The following OBI1 variants were observed in gnomAD, a reference collection of about 807,000 sequenced individuals.
OBI1 encodes the protein ORC ubiquitin ligase 1, also known as ring finger protein 219.
A neutral mutation model predicts 62.4 loss-of-function variants in OBI1; 59 were observed. That is an observed-to-expected ratio of 0.95 (90% CI 0.77 to 1.17). The LOEUF (loss-of-function observed/expected upper bound fraction) is 1.17, where lower values mean the gene tolerates loss of function less well. Ranked by LOEUF, OBI1 falls within the 50% of genes most tolerant of loss-of-function variation. The pLI is 0.00. For missense variants in OBI1, 875 were observed against 830.9 expected, an observed-to-expected ratio of 1.05 and a Z score of -0.65; for synonymous variants, 302 against 292.8, an observed-to-expected ratio of 1.03 and a Z score of -0.32.
chr13:78,647,272 T>C (rs545396258), intron 1 of OBI1, among the ~76,000 whole-genome samples: 34 of 152,318 alleles, frequency 2.2e-4, no homozygotes, highest in African/African-American at 6.7e-4. Flanking sequence ...GCAGTTGAGA[T>C]AAGAGGAAGG....
At chr13:78,644,559 G>A (rs1215701563) in intron 2 of OBI1, among the ~76,000 whole-genome samples, 1 of 152,012 alleles carries the variant, frequency 6.6e-6, no homozygotes, top group Non-Finnish European at 1.5e-5. Context: ...GTTCTTAGCT[G>A]AAGTTTCTTG....
At chr13:78,658,777 G>A (rs892803547) in intron 1 of OBI1, among the ~76,000 whole-genome samples, 1 of 152,312 alleles carries the variant, frequency 6.6e-6, no homozygotes, top group East Asian at 1.9e-4. Flanking sequence ...GCCAGTGTGA[G>A]GCCGCGGGCG....
intron 5 of OBI1, among the ~76,000 whole-genome samples, chr13:78,627,374 G>T (rs1286992301): frequency 6.7e-6 from 1 of 149,580 alleles, no homozygotes; most frequent in African/African-American, 2.5e-5. Context: ...AGGTATACGT[G>T]TGCCATGGTG....
chr13:78,655,833 C>T (rs1286138158), intron 1 of OBI1, among the ~76,000 whole-genome samples: 1 of 152,190 alleles, frequency 6.6e-6, no homozygotes, highest in Non-Finnish European at 1.5e-5. Context: ...GCCAGAGATG[C>T]TCTATGTCAG....
At position 78,616,466 on chromosome 13, in the gene OBI1, C is replaced by G; in HGVS notation, c.1295G>C (p.Cys432Ser). 6.2e-7 allele frequency: 1 copy of G among 1,614,012 alleles called. No homozygotes were observed. Among genetic ancestry groups the G allele is most frequent in the Non-Finnish European group, 8.5e-7 (1 of 1,180,006 alleles). Residue 432 changes from cysteine (C) to serine (S), a missense_variant, in exon 6 of 6, where the codon TGT (cysteine) becomes TCT (serine). Physicochemically the swap from Cys to Ser is moderately radical, Grantham distance 112. Transcript: ENST00000282003. ...HLRKLVFDDFCDSSNVSNKDS... is the reference protein window; with the variant it reads ...HLRKLVFDDFSDSSNVSNKDS... ...TTTATTAGAAACATTTGAAGAATCACAAAAATCATCAAACACCAATTTTCT... is the reference window on the plus strand; with the variant it reads ...TTTATTAGAAACATTTGAAGAATCAGAAAAATCATCAAACACCAATTTTCT...
rs1271599849 is a variant in OBI1 at position 78,635,254 on chromosome 13, A to C, written c.550-56T>G. On this transcript the variant is annotated intron_variant, in intron 4 of 5. Coordinates refer to ENST00000282003, the MANE Select transcript of OBI1 (RefSeq NM_024546.4). ...AAAGCTACAATAAAAGTGACTTGTA[A>C]AAATTACAACATGAGCCATCCGTAT... 3.9e-6 allele frequency: 4 copies of C among 1,035,718 alleles called. No homozygotes were observed. The African/African-American group carries it at 6.4e-5, about 17-fold the overall frequency. 64.2% of individuals were successfully genotyped at this position (1,035,718 alleles called of 1,614,324 possible). A position where few individuals can be genotyped will look rare whatever the true frequency, so the allele number is the denominator to read the frequency against.
intron 2 of OBI1, 32 bp from the exon 3 acceptor site, chr13:78,642,245 T>C: frequency 7.8e-7 from 1 of 1,281,854 alleles, no homozygotes; most frequent in East Asian, 2.3e-5. Context: ...TCCTAATTTT[T>C]CATTCTGATT....
Position 78,616,118 on chromosome 13 carries a change from G to A in OBI1, c.1643C>T (p.Ser548Leu), listed in dbSNP as rs998265436. 5 of 1,614,006 alleles carry A rather than the reference G, an allele frequency of 3.1e-6. No homozygotes were observed. The highest frequency in any genetic ancestry group is 4.2e-6 in the Non-Finnish European group (5 of 1,180,024). ...ATTACAAGGGCTCTTGCTGTTGTCT[G>A]ACTCTGACATCATTGAATCCAACTC... ...ISELDSMMSE[S>L]DNSKSPCNNG... is the part of the protein sequence containing the mutation. Residue 548 changes from serine to leucine, a missense_variant, in exon 6 of 6, where the codon TCA becomes TTA. By Grantham distance (145) the Ser-to-Leu change is moderately radical. Transcript: ENST00000282003.
Position 78,616,421 on chromosome 13 carries a change from A to G in OBI1, c.1340T>C (p.Ile447Thr), listed in dbSNP as rs779641321. 6.2e-7 allele frequency: 1 copy of G among 1,613,184 alleles called. No individual in the cohort carries two copies. Among genetic ancestry groups the G allele is most frequent in the Non-Finnish European group, 8.5e-7 (1 of 1,179,724 alleles). The change falls in exon 6 of 6, where the codon ATA becomes ACA. Residue 447 changes from isoleucine (I) to threonine (T), a missense_variant. By Grantham distance (89) the Ile-to-Thr change is moderately conservative. Transcript: ENST00000282003. Reference protein sequence around the residue: ...VSNKDSSEDDISRSENEKKSE... With the variant: ...VSNKDSSEDDTSRSENEKKSE... ...TTTCTTTTCATTTTCACTTCTACTT[A>G]TATCATCTTCTGAAGAATCTTTATT...
chr13:78,636,762 C>T (rs1375960725), intron 4 of OBI1, among the ~76,000 whole-genome samples: 1 of 152,176 alleles, frequency 6.6e-6, no homozygotes, highest in East Asian at 1.9e-4. Context: ...TATATGCAGA[C>T]AATGAATTAA....
Position 78,615,929 on chromosome 13 carries a change from G to A in OBI1, c.1832C>T (p.Ser611Phe). The A allele has an allele frequency of 6.2e-7, 1 of 1,613,880 alleles. No individual in the cohort carries two copies. The highest frequency in any genetic ancestry group is 8.5e-7 in the Non-Finnish European group (1 of 1,179,948). The change falls in exon 6 of 6, where the codon TCT (serine) becomes TTT (phenylalanine). Residue 611 changes from serine (S) to phenylalanine (F), a missense_variant. Transcript: ENST00000282003. Reference protein sequence around the residue: ...LENGSEWKPTSFFLLSPSDQE... With the variant: ...LENGSEWKPTFFFLLSPSDQE... ...GTCAGATGGAGAGAGGAGAAAAAAA[G>A]AAGTGGGTTTCCATTCACTTCCATT... is the stretch of plus-strand genomic sequence containing the variant.
chr13:78,643,315 T>TA (rs907389390), intron 2 of OBI1, among the ~76,000 whole-genome samples: 80 of 150,954 alleles, frequency 5.3e-4, no homozygotes, highest in Middle Eastern at 3.4e-3. Flanking sequence ...ATTCAGCAGG[T>TA]AAAAAAAAAC....
intron 5 of OBI1, among the ~76,000 whole-genome samples, chr13:78,631,115 A>G (rs1875834025): frequency 6.6e-6 from 1 of 152,084 alleles, no homozygotes; most frequent in South Asian, 2.1e-4. Context: ...TGAGTATCCC[A>G]CATTCTGGAT....
At chr13:78,654,108 A>C (rs1435836584) in intron 1 of OBI1, among the ~76,000 whole-genome samples, 1 of 151,984 alleles carries the variant, frequency 6.6e-6, no homozygotes, top group African/African-American at 2.4e-5. Context: ...GTCTAGGTAA[A>C]AGGAGAGATG....
intron 5 of OBI1, among the ~76,000 whole-genome samples, chr13:78,626,081 A>C (rs1222228047): frequency 6.6e-6 from 1 of 152,244 alleles, no homozygotes; most frequent in Non-Finnish European, 1.5e-5. Flanking sequence ...ATCTGATTCA[A>C]GTAAATAGAT....
intron 5 of OBI1, among the ~76,000 whole-genome samples, chr13:78,620,445 G>A (rs1447430094): frequency 6.6e-6 from 1 of 152,194 alleles, no homozygotes; most frequent in Non-Finnish European, 1.5e-5. Flanking sequence ...AGACCAAAAG[G>A]CTTTGATTTT....
chr13:78,627,795 G>A (rs770762016), intron 5 of OBI1, among the ~76,000 whole-genome samples: 1 of 152,008 alleles, frequency 6.6e-6, no homozygotes, highest in Non-Finnish European at 1.5e-5. Context: ...TTCTTTATAC[G>A]ACACATCATG....
At chr13:78,622,850 G>A (rs1425789749) in intron 5 of OBI1, among the ~76,000 whole-genome samples, 1 of 152,140 alleles carries the variant, frequency 6.6e-6, no homozygotes, top group East Asian at 1.9e-4. Context: ...GGTGGGTGGG[G>A]CACAATTTAG....
At chr13:78,619,332 T>A (rs562108619) in intron 5 of OBI1, among the ~76,000 whole-genome samples, 18,111 of 151,544 alleles carry the variant, frequency 0.12, 1,211 homozygotes, top group Middle Eastern at 0.17. Context: ...TCTATATATT[T>A]TTTTTTTTTA....
Sources: allele counts gnomAD v4.1 joint callset (sites outside exome capture counted in the v4.1 genomes callset), GRCh38; gene constraint gnomAD v4.1.1; transcripts MANE v1.5; gene names NCBI Gene and HGNC (gene_info 2026-07-23, HGNC 2026-07-21).